Variants in XYLT2 observed in about 807,000 individuals in gnomAD.
The protein encoded by XYLT2 is UDP-D-xylose:proteoglycan core protein beta-D-xylosyltransferase.
A neutral mutation model predicts 82.6 loss-of-function variants in XYLT2; 37 were observed. The ratio of observed to expected loss-of-function variants is 0.45; its 90% confidence interval spans 0.34 to 0.59. The LOEUF (loss-of-function observed/expected upper bound fraction) is 0.59. Ranked by LOEUF, XYLT2 falls within the 20% of genes least tolerant of loss-of-function variation. The pLI, the probability that XYLT2 is intolerant of heterozygous loss-of-function variation, is 0.01. For missense variants in XYLT2, 934 were observed against 1,181.3 expected, an observed-to-expected ratio of 0.79 and a Z score of 3.07; for synonymous variants, 474 against 499.0, an observed-to-expected ratio of 0.95 and a Z score of 0.67.
intron 3 of XYLT2, 88 bp from the exon 4 acceptor site, chr17:50,354,766 C>G: frequency 6.3e-7 from 1 of 1,582,986 alleles, no homozygotes; most frequent in Non-Finnish European, 8.6e-7. Context: ...CTGTGCTTTC[C>G]TCGTCTTGTG....
At position 50,359,960 on chromosome 17, in the gene XYLT2, C is replaced by A; in HGVS notation, c.2276-9C>A. The A allele has an allele frequency of 6.3e-7, 1 of 1,579,390 alleles. No individual in the cohort carries two copies. Among genetic ancestry groups the A allele is most frequent in the Non-Finnish European group, 8.6e-7 (1 of 1,160,540 alleles). On this transcript the variant is annotated splice_polypyrimidine_tract_variant and intron_variant, in intron 10 of 10. Transcript: ENST00000017003. ...GGGGGTGTGCTTACTGCCTGCTCTG[C>A]ACCCACAGATGATGCCAGCTGGCTG...
rs769642228 is a variant in XYLT2 at position 50,354,468 on chromosome 17, C to T, written c.689C>T (p.Pro230Leu). Residue 230 changes from proline to leucine, a missense_variant, in exon 3 of 11, where the codon CCC (proline) becomes CTC (leucine). This residue lies in a region of XYLT2 where 371 missense variants were observed against 394.9 expected (regional missense o/e 0.94). Transcript: ENST00000017003. ...CAAGCCCAGCAGCCCATGGATGGCC[C>T]CCCGGTGCGAATCGCCTACATGCTG... ...ESQAQQPMDG[P>L]PVRIAYMLVV... 1.7e-5 allele frequency: 28 copies of T among 1,612,374 alleles called. No individual in the cohort carries two copies. The highest frequency in any genetic ancestry group is 1.6e-4 in the South Asian group (15 of 91,028).
In XYLT2 at chr17:50,356,726, G is replaced by A. The variant is rs1255501489; in HGVS notation, c.1698G>A (p.Leu566=). 4 of 1,608,438 alleles carry A rather than the reference G, an allele frequency of 2.5e-6. No homozygotes were observed. The South Asian group carries it at 4.4e-5, about 18-fold the overall frequency. Reference sequence around the variant, plus strand: ...ACACAGCCTTCGCCCGCCTCAGCCTGCACCATGCCGCCACTGCTGCACCCC... The same window carrying A: ...ACACAGCCTTCGCCCGCCTCAGCCTACACCATGCCGCCACTGCTGCACCCC... ...TAYTAFARLS[L]HHAATAAPPM... Residue 566 remains leucine, a synonymous_variant, in exon 8 of 11, where the codon CTG becomes CTA. Transcript: ENST00000017003.
Position 50,354,010 on chromosome 17 carries a change from A to T in XYLT2, c.516A>T (p.Ala172=), listed in dbSNP as rs1272971320. ...TCGTGGGCAAGGACGCACTGTCTGC[A>T]CTGGCCCGGGCCAGCACCAAGCAGT... The part of the protein sequence containing the change: ...CEIVGKDALS[A]LARASTKQCQ... The change falls in exon 2 of 11, where the codon GCA becomes GCT. Residue 172 remains alanine, a synonymous_variant. Transcript: ENST00000017003. 6.2e-7 allele frequency: 1 copy of T among 1,607,280 alleles called. No homozygotes were observed. Among genetic ancestry groups the T allele is most frequent in the Non-Finnish European group, 8.5e-7 (1 of 1,179,900 alleles).
rs570008975 is a variant in XYLT2, at chr17:50,357,961, G to C, written c.1942-246G>C. The C allele has an allele frequency of 5.8e-6, 3 of 521,086 alleles. No homozygotes were observed. In the Admixed American group the frequency reaches 9.9e-5, roughly 17 times the overall value. The allele number at this position is 521,086 out of a possible 1,614,324, so 32.3% of individuals were successfully genotyped here. A position where few individuals can be genotyped will look rare whatever the true frequency, so the allele number is the denominator to read the frequency against. On this transcript the variant is annotated intron_variant, in intron 9 of 10. Transcript: ENST00000017003. ...CAGGACTTTGAACCTCATCCCTGCC[G>C]TATTGTCCCCAATAAGGGGGACTGA...
intron 10 of XYLT2, 70 bp downstream of exon 10, chr17:50,358,610 A>G: frequency 6.8e-7 from 1 of 1,460,680 alleles, no homozygotes; most frequent in South Asian, 1.4e-5. Flanking sequence ...GGTGACCTCA[A>G]GAAGCCAACC....
At chr17:50,357,386 A>G in intron 9 of XYLT2, 134 bp downstream of exon 9, 1 of 887,598 alleles carries the variant, frequency 1.1e-6, no homozygotes. Context: ...GCCCCCATGC[A>G]GACATCCTGT....
In XYLT2 at chr17:50,358,192, CCT is replaced by C. The variant is rs769360107; in HGVS notation, c.1942-6_1942-5del. 5 of 1,565,944 alleles carry C rather than the reference CCT, an allele frequency of 3.2e-6. No individual in the cohort carries two copies. The highest frequency in any genetic ancestry group is 4.3e-6 in the Non-Finnish European group (5 of 1,152,936). On this transcript the variant is annotated splice_polypyrimidine_tract_variant and intron_variant, in intron 9 of 10. Transcript: ENST00000017003. ...TTTCCCCCACACTCCTGCCCAGCTGCCTCTCTCTCTACAGGTTGGCACTGATT... is the reference window on the plus strand; with the variant it reads ...TTTCCCCCACACTCCTGCCCAGCTGCCTCTCTCTACAGGTTGGCACTGATT...
At chr17:50,349,075 T>C (rs1207484908) in intron 1 of XYLT2, among the ~76,000 whole-genome samples, 1 of 152,106 alleles carries the variant, frequency 6.6e-6, no homozygotes, top group Non-Finnish European at 1.5e-5. Flanking sequence ...CCCACTGCAG[T>C]GCAGGGACCA....
chr17:50,347,904 T>C (rs564509338), intron 1 of XYLT2, among the ~76,000 whole-genome samples: 1 of 152,310 alleles, frequency 6.6e-6, no homozygotes, highest in South Asian at 2.1e-4. Context: ...CACCAGCAAA[T>C]CACTTTGCCT....
At chr17:50,355,439 C>G in intron 4 of XYLT2, 62 bp from the exon 5 acceptor site, 1 of 1,564,316 alleles carries the variant, frequency 6.4e-7, no homozygotes, top group Non-Finnish European at 8.8e-7. Flanking sequence ...AGAAGGTCCG[C>G]TCTGGGCCAG....
At chr17:50,352,932 C>T (rs1394023109) in intron 1 of XYLT2, among the ~76,000 whole-genome samples, 1 of 152,210 alleles carries the variant, frequency 6.6e-6, no homozygotes, top group African/African-American at 2.4e-5. Context: ...GAGGTGGACG[C>T]TCTTCTTGCC....
intron 1 of XYLT2, among the ~76,000 whole-genome samples, chr17:50,351,210 G>A (rs929591780): frequency 1.3e-5 from 2 of 152,200 alleles, no homozygotes; most frequent in African/African-American, 2.4e-5. Context: ...AGTAGGAGCT[G>A]GAAGACCAGG....
At position 50,357,137 on chromosome 17, in the gene XYLT2, C is replaced by T. The variant is rs752138305; in HGVS notation, c.1826C>T (p.Ala609Val). 27 of 1,613,556 alleles carry T rather than the reference C, an allele frequency of 1.7e-5. No individual in the cohort carries two copies. The highest frequency in any genetic ancestry group is 2.2e-5 in the East Asian group (1 of 44,888). Residue 609 changes from alanine to valine, a missense_variant, in exon 9 of 11, where the codon GCG (alanine) becomes GTG (valine). Ala to Val is a moderately conservative substitution (Grantham distance 64). Transcript: ENST00000017003. ...TTCCAGGGCTACCTGGTGACGCAGG[C>T]GGTGCAGCCCTCAGCCCAGGGGCCG... ...DHFQGYLVTQ[A>V]VQPSAQGPAE...
At chr17:50,349,412 G>A (rs747049415) in intron 1 of XYLT2, among the ~76,000 whole-genome samples, 16 of 152,036 alleles carry the variant, frequency 1.1e-4, no homozygotes, top group East Asian at 1.9e-4. Flanking sequence ...ATCTCTTCTC[G>A]GATGGGAATG....
At chr17:50,352,204 C>T (rs558796620) in intron 1 of XYLT2, among the ~76,000 whole-genome samples, 6 of 152,224 alleles carry the variant, frequency 3.9e-5, no homozygotes, top group Non-Finnish European at 8.8e-5. Context: ...TGCAGTGTCT[C>T]ATGCTCAGTT....
rs1373359817 is a variant in XYLT2 at position 50,346,359 on chromosome 17, G to A, written c.135+84G>A. On this transcript the variant is annotated intron_variant, in intron 1 of 10. Transcript: ENST00000017003. The surrounding 1 kb of genome is among the most constrained non-coding windows in gnomAD (Gnocchi z 5.1). ...GGGGCTGCGGGCGGCCCCAGCCGGG[G>A]AAGTGGGGCACGGGCCGCGTGCGTG... 1.4e-5 allele frequency: 14 copies of A among 991,506 alleles called. No homozygotes were observed. Among genetic ancestry groups the A allele is most frequent in the African/African-American group, 1.8e-5 (1 of 57,060 alleles). The allele number at this position is 991,506 out of a possible 1,614,324, so 61.4% of individuals were successfully genotyped here. A position where few individuals can be genotyped will look rare whatever the true frequency, so the allele number is the denominator to read the frequency against.
chr17:50,357,811 A>G, intron 9 of XYLT2: 1 of 188,778 alleles, frequency 5.3e-6, no homozygotes, highest in Non-Finnish European at 1.1e-5. Flanking sequence ...CGATCTCCTG[A>G]CCTTGTGATC....
chr17:50,353,458 G>T (rs1252357737), intron 1 of XYLT2, among the ~76,000 whole-genome samples, 172 bp from the exon 2 acceptor site: 1 of 152,150 alleles, frequency 6.6e-6, no homozygotes, highest in Non-Finnish European at 1.5e-5. Context: ...TGGCCAGGGA[G>T]GTGCTCCCAT....
Sources: allele counts gnomAD v4.1 joint callset (sites outside exome capture counted in the v4.1 genomes callset), GRCh38; gene constraint gnomAD v4.1.1; regional missense constraint gnomAD v4.1.1; non-coding constraint Gnocchi (gnomAD v3.1); transcripts MANE v1.5; gene names NCBI Gene and HGNC (gene_info 2026-07-23, HGNC 2026-07-21).